CFAP20DC: variants seen among roughly 807,000 people sequenced by gnomAD.
CFAP20DC encodes the protein CFAP20 domain containing, also known as protein CFAP20DC.
Under a neutral mutation model 101.7 loss-of-function variants are expected in CFAP20DC, and 84 were observed. The observed-to-expected ratio is 0.83, with a 90% CI of 0.69 to 0.99. The LOEUF (loss-of-function observed/expected upper bound fraction) is 0.99, where lower values mean the gene tolerates loss of function less well. Among genes scored for constraint, CFAP20DC ranks in the 50% least tolerant of loss-of-function variants. The pLI is 0.00. For missense variants in CFAP20DC, 1,007 were observed against 970.3 expected (o/e 1.04, Z -0.50); for synonymous variants, 359 against 351.2 (o/e 1.02, Z -0.25).
rs745646648 is a variant in CFAP20DC, at chr3:58,742,124, A to C, written c.*336T>G. Reference sequence around the variant, plus strand: ...ATCAAGCCATCATTTACAGATTAACACTGCAAAAAATTTGAATGAATAACT... The same window carrying C: ...ATCAAGCCATCATTTACAGATTAACCCTGCAAAAAATTTGAATGAATAACT... On this transcript the variant is annotated 3_prime_UTR_variant, in exon 17 of 17. Transcript: ENST00000482387. 2 of 939,196 alleles carry C rather than the reference A, an allele frequency of 2.1e-6. No individual in the cohort carries two copies. Among genetic ancestry groups the C allele is most frequent in the Admixed American group, 6.1e-5 (1 of 16,318 alleles). The allele number at this position is 939,196 out of a possible 1,614,324, so 58.2% of individuals were successfully genotyped here.
intron 1 of CFAP20DC, 33 bp from the exon 2 acceptor site, chr3:59,047,287 T>C: frequency 1.4e-6 from 2 of 1,383,620 alleles, no homozygotes; most frequent in South Asian, 1.2e-5. Flanking sequence ...TAAAAGACAA[T>C]GCTAACGAGG....
At chr3:58,917,891 G>A (rs533695448) in intron 5 of CFAP20DC, among the ~76,000 whole-genome samples, 1 of 152,304 alleles carries the variant, frequency 6.6e-6, no homozygotes, top group East Asian at 1.9e-4. Context: ...AGAGCTGCCA[G>A]ACCTTGCTCT....
Position 58,834,553 on chromosome 3 carries a change from A to T in CFAP20DC, c.1972-2664T>A, listed in dbSNP as rs566278382. Among the ~76,000 whole-genome samples the T allele has an allele frequency of 3.9e-5, 6 of 152,266 alleles. No homozygotes were observed. The South Asian group carries it at 1.2e-3, about 32-fold the overall frequency. ...CACTGGGTTCTAGGAGAGAAGAATA[A>T]GAGAGGATGTGGCAGTGGTTAAGCC... On this transcript the variant is annotated intron_variant, in intron 13 of 16. Coordinates refer to ENST00000482387, the MANE Select transcript of CFAP20DC (RefSeq NM_001394063.1).
chr3:58,724,604 T>C lies in CFAP20DC; in HGVS notation c.198-6976A>G, dbSNP rs1261441215. ...TCACTCTTGCTACAGATTACGCCTA[T>C]GACGCACTGCCACCCTTTCACTGTT... On this transcript the variant is annotated intron_variant, in intron 3 of 3. Coordinates refer to the CFAP20DC transcript ENST00000486145. This position sits in a 1 kb window ranked among gnomAD's most constrained non-coding sequence, Gnocchi z 5.6. 2.0e-5 allele frequency among the ~76,000 whole-genome samples: 3 copies of C among 152,358 alleles called. No individual in the cohort carries two copies. Among genetic ancestry groups the C allele is most frequent in the African/African-American group, 7.2e-5 (3 of 41,584 alleles).
chr3:59,045,304 T>C (rs1306962634), intron 3 of CFAP20DC, among the ~76,000 whole-genome samples: 1 of 151,932 alleles, frequency 6.6e-6, no homozygotes, highest in Non-Finnish European at 1.5e-5. Context: ...CAACAACAGG[T>C]CTTTTTATAG....
chr3:58,937,608 T>A, intron 5 of CFAP20DC, 40 bp downstream of exon 5: 9 of 1,214,000 alleles, frequency 7.4e-6, no homozygotes, highest in Non-Finnish European at 1.1e-5. Context: ...ATTTGTTGAA[T>A]TGAATTTAAT....
chr3:58,810,107 C>T (rs1042022949), intron 14 of CFAP20DC, among the ~76,000 whole-genome samples: 4 of 152,104 alleles, frequency 2.6e-5, no homozygotes, highest in East Asian at 1.9e-4. Context: ...GACTCACAGC[C>T]GAATTCTATC....
intron 14 of CFAP20DC, among the ~76,000 whole-genome samples, chr3:58,807,657 C>G (rs954096698): frequency 6.6e-6 from 1 of 152,216 alleles, no homozygotes; most frequent in Admixed American, 6.5e-5. Flanking sequence ...AAAAGCAGAG[C>G]GCGTCTCCTC....
At chr3:58,843,985 GC>G (rs1346642831) in intron 13 of CFAP20DC, among the ~76,000 whole-genome samples, 1 of 92,824 alleles carries the variant, frequency 1.1e-5, no homozygotes, top group East Asian at 3.0e-4. Flanking sequence ...TCACCACCAG[GC>G]CTGCCCTAAA....
At chr3:58,741,114 A>G (rs1213783926), downstream of CFAP20DC, among the ~76,000 whole-genome samples, 1 of 152,236 alleles carries the variant, frequency 6.6e-6, no homozygotes, top group Non-Finnish European at 1.5e-5. Context: ...AAATTATAGT[A>G]CCACCATTAA....
intron 4 of CFAP20DC, among the ~76,000 whole-genome samples, chr3:58,969,081 A>G (rs564142246): frequency 9.9e-5 from 15 of 152,236 alleles, no homozygotes; most frequent in African/African-American, 3.6e-4. Flanking sequence ...CTGTTTTTGT[A>G]CCAGTACCAT....
intron 5 of CFAP20DC, among the ~76,000 whole-genome samples, chr3:58,920,360 T>C (rs942766848): frequency 1.3e-5 from 2 of 152,082 alleles, no homozygotes; most frequent in Non-Finnish European, 2.9e-5. Context: ...TCTTAAAGTG[T>C]TGGGAATACA....
chr3:58,983,929 C>T (rs1016513348), intron 4 of CFAP20DC, among the ~76,000 whole-genome samples: 1 of 152,136 alleles, frequency 6.6e-6, no homozygotes. Flanking sequence ...GTCATTTAAA[C>T]CACTTTGATA....
chr3:58,727,540 C>G, intron 3 of CFAP20DC: 2 of 152,276 alleles, frequency 1.3e-5, no homozygotes, highest in Non-Finnish European at 2.9e-5. Context: ...GGGTTCACGC[C>G]ATTCTCCTGC....
chr3:59,029,943 G>C (rs1405320615), intron 4 of CFAP20DC, among the ~76,000 whole-genome samples: 1 of 152,160 alleles, frequency 6.6e-6, no homozygotes, highest in Non-Finnish European at 1.5e-5. Flanking sequence ...CTCAAGCAGA[G>C]CTGTTGCTGG....
At chr3:58,769,929 A>C (rs892585923) in intron 15 of CFAP20DC, among the ~76,000 whole-genome samples, 10 of 152,204 alleles carry the variant, frequency 6.6e-5, no homozygotes. Context: ...TTATTAGATA[A>C]ATCCACAAAA....
chr3:58,814,638 T>C (rs1371784122), intron 14 of CFAP20DC, among the ~76,000 whole-genome samples: 3 of 151,216 alleles, frequency 2.0e-5, no homozygotes, highest in South Asian at 2.1e-4. Context: ...CTCCTTAAGC[T>C]GATAATCAAC....
At position 58,971,406 on chromosome 3, in the gene CFAP20DC, A is replaced by G. The variant is rs1159295359; in HGVS notation, c.279-33644T>C. On this transcript the variant is annotated intron_variant, in intron 4 of 16. Coordinates refer to ENST00000482387, the MANE Select transcript of CFAP20DC (RefSeq NM_001394063.1). This position sits in a 1 kb window ranked among gnomAD's most constrained non-coding sequence, Gnocchi z 4.1. ...AAGAGGAAAATCTGTCAAATGTTTT[A>G]AAATATCTCCGACATTCACTCTTTA... 6.6e-6 allele frequency among the ~76,000 whole-genome samples: 1 copy of G among 152,166 alleles called. No individual in the cohort carries two copies. The highest frequency in any genetic ancestry group is 2.4e-5 in the African/African-American group (1 of 41,456).
intron 14 of CFAP20DC, among the ~76,000 whole-genome samples, chr3:58,831,421 A>C (rs952412583): frequency 1.4e-4 from 21 of 152,228 alleles, no homozygotes; most frequent in Admixed American, 1.2e-3. Context: ...TCTACAGTAA[A>C]ATTGTTCTTT....
Sources: allele counts gnomAD v4.1 joint callset (sites outside exome capture counted in the v4.1 genomes callset), GRCh38; gene constraint gnomAD v4.1.1; non-coding constraint Gnocchi (gnomAD v3.1); transcripts MANE v1.5; gene names NCBI Gene and HGNC (gene_info 2026-07-23, HGNC 2026-07-21).